The following DHRS12 variants were observed in gnomAD, a reference collection of about 807,000 sequenced individuals.
DHRS12 encodes the protein dehydrogenase/reductase 12.
In DHRS12, 29 loss-of-function variants were observed where a neutral mutation model predicts 32.1. That is an observed-to-expected ratio of 0.90 (90% CI 0.67 to 1.23). DHRS12 has a LOEUF of 1.23. Ranked by LOEUF, DHRS12 falls within the 50% of genes most tolerant of loss-of-function variation. DHRS12 has a pLI of 0.00. For synonymous variants in DHRS12, 150 were observed against 135.9 expected, an observed-to-expected ratio of 1.10 and a Z score of -0.72; for missense variants, 330 against 337.2, an observed-to-expected ratio of 0.98 and a Z score of 0.17.
At chr13:51,796,151 A>C (rs1955503568) in intron 2 of DHRS12, among the ~76,000 whole-genome samples, 1 of 152,200 alleles carries the variant, frequency 6.6e-6, no homozygotes, top group Non-Finnish European at 1.5e-5. Context: ...AAAGTGCAAA[A>C]CCAGGACTCG....
intron 7 of DHRS12, 88 bp from the exon 8 acceptor site, chr13:51,769,381 C>T: frequency 1.9e-6 from 2 of 1,049,806 alleles, no homozygotes; most frequent in East Asian, 2.9e-5. Context: ...AAAAAAAGTG[C>T]AAAAATGAAA....
intron 4 of DHRS12, among the ~76,000 whole-genome samples, chr13:51,788,895 C>T (rs910809244): frequency 4.3e-4 from 65 of 152,018 alleles, no homozygotes; most frequent in African/African-American, 1.5e-3. Context: ...AATTTGGGGA[C>T]AATCAGCGGG....
intron 1 of DHRS12, among the ~76,000 whole-genome samples, chr13:51,799,982 T>C (rs1193191669): frequency 6.6e-6 from 1 of 152,174 alleles, no homozygotes; most frequent in Non-Finnish European, 1.5e-5. Flanking sequence ...GACAGATGAA[T>C]TGCTCTTTTC....
the DHRS12 span, among the ~76,000 whole-genome samples, chr13:51,757,406 C>G: frequency 2.6e-5 from 4 of 151,880 alleles, no homozygotes; most frequent in African/African-American, 9.7e-5. Context: ...TTTAAAGTAA[C>G]CATTTTAAGA....
chr13:51,759,673 C>A, the DHRS12 span: 3 of 1,508,408 alleles, frequency 2.0e-6, no homozygotes, highest in African/African-American at 1.4e-5. Flanking sequence ...TTGAAGAATT[C>A]AGTTCTAAGG....
At chr13:51,787,804 TTA>T (rs1344599476) in intron 4 of DHRS12, among the ~76,000 whole-genome samples, 6 of 125,818 alleles carry the variant, frequency 4.8e-5, no homozygotes, top group Non-Finnish European at 8.1e-5. Flanking sequence ...TAATATATAT[TTA>T]TATATAATTT....
Position 51,780,534 on chromosome 13 carries a change from A to G in DHRS12, c.302-3413T>C, listed in dbSNP as rs577658366. On this transcript the variant is annotated intron_variant, in intron 4 of 8. Transcript: ENST00000444610. ...CTCATTAGTATTTTAAATTTACACA[A>G]TGCCTTTCTTCCAAGGAACTCATTA... 4.6e-5 allele frequency among the ~76,000 whole-genome samples: 7 copies of G among 152,352 alleles called. No individual in the cohort carries two copies. The East Asian group carries it at 1.3e-3, about 29-fold the overall frequency.
At chr13:51,771,190 T>A in intron 7 of DHRS12, 1 of 1,549,476 alleles carries the variant, frequency 6.5e-7, no homozygotes, top group East Asian at 2.4e-5. Flanking sequence ...AGACCAGTTC[T>A]TGGCGCCGCG....
intron 5 of DHRS12, 133 bp from the exon 6 acceptor site, chr13:51,774,167 T>C: frequency 1.5e-6 from 1 of 686,654 alleles, no homozygotes; most frequent in African/African-American, 1.8e-5. Flanking sequence ...ACACATTGTA[T>C]TCTCCTACAG....
At chr13:51,758,153 C>A in the DHRS12 span, 1 of 1,492,068 alleles carries the variant, frequency 6.7e-7, no homozygotes, top group Non-Finnish European at 9.2e-7. Context: ...TCATATGTCA[C>A]CACCTTTTCC....
At chr13:51,764,096 T>C (rs547348217), downstream of DHRS12, 1 of 152,336 alleles carries the variant, frequency 6.6e-6, no homozygotes, top group African/African-American at 2.4e-5. Context: ...ATTAACTTGA[T>C]TGGAAAACAC....
chr13:51,803,949 GA>G, intron 1 of DHRS12, 104 bp downstream of exon 1: 1 of 1,095,074 alleles, frequency 9.1e-7, no homozygotes, highest in South Asian at 2.8e-5. Flanking sequence ...TCGGCCCAGC[GA>G]GAGGGCGAAG....
intron 7 of DHRS12, among the ~76,000 whole-genome samples, chr13:51,769,828 C>T (rs1953931602): frequency 6.6e-6 from 1 of 152,250 alleles, no homozygotes; most frequent in African/African-American, 2.4e-5. Context: ...CCCTCTGCAT[C>T]CCAGGGCTAC....
chr13:51,773,895 G>T, intron 6 of DHRS12, 35 bp downstream of exon 6: 1 of 1,585,478 alleles, frequency 6.3e-7, no homozygotes, highest in Non-Finnish European at 8.7e-7. Flanking sequence ...CAGCCCGTGG[G>T]TAAAATGCAG....
intron 4 of DHRS12, chr13:51,777,337 A>G (rs1425199883): frequency 1.7e-6 from 1 of 580,456 alleles, no homozygotes; most frequent in Non-Finnish European, 3.1e-6. Flanking sequence ...ATGTACCGAC[A>G]GGAAAAGATG....
chr13:51,766,427 C>CTT (rs1235193115), downstream of DHRS12: 1 of 152,172 alleles, frequency 6.6e-6, no homozygotes, highest in African/African-American at 2.4e-5. Context: ...ATATCTTTTT[C>CTT]TTTCTTTTTT....
At chr13:51,787,823 TATAA>T (rs1955041449) in intron 4 of DHRS12, among the ~76,000 whole-genome samples, 1 of 126,656 alleles carries the variant, frequency 7.9e-6, no homozygotes, top group Non-Finnish European at 1.6e-5. Context: ...ATTTATATAT[TATAA>T]ATTATATAAA....
intron 4 of DHRS12, among the ~76,000 whole-genome samples, chr13:51,788,737 G>A (rs937686606): frequency 5.3e-5 from 8 of 152,114 alleles, no homozygotes; most frequent in South Asian, 2.1e-4. Context: ...GGTACATGCC[G>A]TAGTCCTAGC....
chr13:51,790,765 C>T (rs1244613041), intron 3 of DHRS12, among the ~76,000 whole-genome samples: 1 of 152,148 alleles, frequency 6.6e-6, no homozygotes, highest in African/African-American at 2.4e-5. Context: ...CCAGGCTCTC[C>T]ATGGAGTTTT....
Sources: gnomAD v4.1 joint callset for allele counts (sites outside exome capture counted in the v4.1 genomes callset) on GRCh38, gnomAD v4.1.1 for gene constraint, MANE v1.5 for transcripts, NCBI Gene and HGNC (gene_info 2026-07-23, HGNC 2026-07-21) for gene names.